Variants in MID1 observed in about 807,000 individuals in gnomAD.
MID1 encodes E3 ubiquitin-protein ligase Midline-1.
MID1 carries 7 observed loss-of-function variants against 40.4 expected under a neutral mutation model. That is an observed-to-expected ratio of 0.17 (90% CI 0.10 to 0.33). The LOEUF is 0.33. Among genes scored for constraint, MID1 ranks in the 10% least tolerant of loss-of-function variants. The probability of loss-of-function intolerance (pLI) is 1.00; values close to 1 mark genes in which losing one functional copy is unlikely to be tolerated. For missense variants in MID1, 367 were observed against 558.5 expected, an observed-to-expected ratio of 0.66 and a Z score of 3.46; for synonymous variants, 229 against 221.2, an observed-to-expected ratio of 1.04 and a Z score of -0.31.
At chrX:10,704,765 C>CACACACAAACAG (rs781699598) in intron 1 of MID1, among the ~76,000 whole-genome samples, 15 of 91,632 alleles carry the variant, frequency 1.6e-4, no homozygotes, top group African/African-American at 5.8e-4. Flanking sequence ...CACACACACA[C>CACACACAAACAG]AGAGAGAGAG....
intron 1 of MID1, among the ~76,000 whole-genome samples, chrX:10,816,852 G>A (rs1228433670): frequency 1.8e-5 from 2 of 112,002 alleles, no homozygotes; most frequent in African/African-American, 3.2e-5. Context: ...AGGTACCTGT[G>A]ACAGATGTAC....
chrX:10,830,824 T>C (rs772125225), intron 1 of MID1, among the ~76,000 whole-genome samples: 101 of 112,329 alleles, frequency 9.0e-4, no homozygotes, highest in Non-Finnish European at 1.7e-3. Flanking sequence ...ACACACATTA[T>C]AGAACACATC....
chrX:10,752,326 T>G (rs1002435457), intron 1 of MID1, among the ~76,000 whole-genome samples: 1 of 111,633 alleles, frequency 9.0e-6, no homozygotes, highest in African/African-American at 3.3e-5. Context: ...GTAAGAAGTA[T>G]AGTGCAGGGG....
At chrX:10,679,356 A>G (rs1361844660) in intron 1 of MID1, among the ~76,000 whole-genome samples, 1 of 111,432 alleles carries the variant, frequency 9.0e-6, no homozygotes, top group African/African-American at 3.3e-5. Flanking sequence ...TCTAATAAAG[A>G]TAGTTTCTTA....
intron 1 of MID1, among the ~76,000 whole-genome samples, chrX:10,776,728 A>G (rs1013388255): frequency 2.9e-4 from 32 of 111,416 alleles, no homozygotes; most frequent in Non-Finnish European, 5.5e-4. Context: ...CTAGCTGGGC[A>G]TGGTGGTGCA....
intron 1 of MID1, among the ~76,000 whole-genome samples, chrX:10,741,021 T>C (rs957083205): frequency 8.9e-5 from 10 of 112,111 alleles, no homozygotes; most frequent in African/African-American, 3.2e-4. Context: ...TATTAGCAAC[T>C]GATGTAGCTT....
chrX:10,668,277 T>C (rs1335915603), intron 1 of MID1, among the ~76,000 whole-genome samples: 1 of 112,242 alleles, frequency 8.9e-6, no homozygotes, highest in African/African-American at 3.2e-5. Context: ...AAATAAATTA[T>C]TCATGTCGTT....
chrX:10,693,807 G>A (rs1266527888), intron 1 of MID1, among the ~76,000 whole-genome samples: 2 of 111,829 alleles, frequency 1.8e-5, no homozygotes, highest in African/African-American at 6.5e-5. Context: ...CAGAAAGTCA[G>A]AGCTATTCCT....
chrX:10,636,817 T>TATATATATATATATAG (rs1204232884), intron 1 of MID1, among the ~76,000 whole-genome samples: 1 of 86,026 alleles, frequency 1.2e-5, no homozygotes, highest in Non-Finnish European at 2.3e-5. Flanking sequence ...TATATATATA[T>TATATATATATATATAG]ACACCACTGG....
chrX:10,728,189 T>TC (rs200993171), intron 1 of MID1, among the ~76,000 whole-genome samples: 247 of 109,423 alleles, frequency 2.3e-3, no homozygotes, highest in African/African-American at 7.5e-3. Context: ...TCATCAACTT[T>TC]TCCCCCCCCA....
rs1362562816 is a variant in MID1, at chrX:10,764,865, A to T, written c.-187+68689T>A. Among the ~76,000 whole-genome samples the T allele has an allele frequency of 4.5e-5, 5 of 111,920 alleles. No individual in the cohort carries two copies. The Admixed American group carries it at 4.8e-4, about 11-fold the overall frequency. Reference sequence around the variant, plus strand: ...TGGACAATACACTTTTTGCTTTCTAAATAGTAATCAACAGGAATATCAATG... The same window carrying T: ...TGGACAATACACTTTTTGCTTTCTATATAGTAATCAACAGGAATATCAATG... On this transcript the variant is annotated intron_variant, in intron 1 of 10. Transcript: ENST00000380785.
At chrX:10,520,907 A>G (rs923249440) in intron 3 of MID1, among the ~76,000 whole-genome samples, 15 of 111,354 alleles carry the variant, frequency 1.3e-4, no homozygotes, top group African/African-American at 4.6e-4. Context: ...CTATTCTTGC[A>G]TTGCTATAAA....
chrX:10,635,021 C>T (rs1368943214), intron 1 of MID1, among the ~76,000 whole-genome samples: 9 of 112,100 alleles, frequency 8.0e-5, no homozygotes, highest in Admixed American at 6.6e-4. Flanking sequence ...TTCAGGAAGT[C>T]GACTGTCAGG....
chrX:10,603,931 G>A (rs767841430), intron 1 of MID1, among the ~76,000 whole-genome samples: 24 of 111,644 alleles, frequency 2.1e-4, no homozygotes, highest in Non-Finnish European at 3.8e-4. Flanking sequence ...TGGCAAGGGT[G>A]ATGATAAGGA....
chrX:10,590,383 C>G (rs192668426), intron 1 of MID1, among the ~76,000 whole-genome samples: 1 of 111,355 alleles, frequency 9.0e-6, no homozygotes, highest in South Asian at 3.9e-4. Context: ...TAGCAGAGAC[C>G]AAGAGAAGAG....
chrX:10,687,651 G>A (rs1406900618), intron 1 of MID1, among the ~76,000 whole-genome samples: 4 of 112,231 alleles, frequency 3.6e-5, no homozygotes, highest in African/African-American at 1.3e-4. Context: ...AGCTTTACAG[G>A]AGGGTTTTAC....
chrX:10,597,437 T>C (rs1422770687), intron 1 of MID1, among the ~76,000 whole-genome samples: 1 of 112,072 alleles, frequency 8.9e-6, no homozygotes, highest in Non-Finnish European at 1.9e-5. Context: ...GAAGATTTAC[T>C]AAATATTAAA....
intron 3 of MID1, among the ~76,000 whole-genome samples, chrX:10,502,714 T>C (rs777251914): frequency 8.9e-6 from 1 of 112,232 alleles, no homozygotes; most frequent in African/African-American, 3.2e-5. Flanking sequence ...TTCGGCCTCA[T>C]GGCAAAAACA....
At chrX:10,682,111 G>A (rs2091969228) in intron 1 of MID1, among the ~76,000 whole-genome samples, 1 of 110,486 alleles carries the variant, frequency 9.1e-6, no homozygotes, top group Non-Finnish European at 1.9e-5. Flanking sequence ...TTCAAAACCA[G>A]CCTAAGCAAC....
Sources: allele counts gnomAD v4.1 joint callset (sites outside exome capture counted in the v4.1 genomes callset), GRCh38; gene constraint gnomAD v4.1.1; transcripts MANE v1.5; gene names NCBI Gene and HGNC (gene_info 2026-07-23, HGNC 2026-07-21).